The following SORCS3 variants were observed in gnomAD, a reference collection of about 807,000 sequenced individuals.
SORCS3 encodes the protein sortilin related VPS10 domain containing receptor 3, also known as VPS10 domain-containing receptor SorCS3.
SORCS3 carries 57 observed loss-of-function variants against 146.3 expected under a neutral mutation model. The ratio of observed to expected loss-of-function variants is 0.39; its 90% CI spans 0.31 to 0.49. The LOEUF (loss-of-function observed/expected upper bound fraction) is 0.49, where lower values mean the gene tolerates loss of function less well. Ranked by LOEUF, SORCS3 falls within the 20% of genes least tolerant of loss-of-function variation. The pLI is 0.92. For missense variants in SORCS3, 1,341 were observed against 1,575.5 expected (o/e 0.85, Z 2.52); for synonymous variants, 653 against 618.5 (o/e 1.06, Z -0.83).
At chr10:104,742,970 T>C (rs1286385806) in intron 1 of SORCS3, among the ~76,000 whole-genome samples, 2 of 152,184 alleles carry the variant, frequency 1.3e-5, no homozygotes, top group African/African-American at 4.8e-5. Flanking sequence ...AGCTTGGATA[T>C]AAATAAGCAT....
chr10:104,994,420 T>A (rs1168187558), intron 4 of SORCS3, among the ~76,000 whole-genome samples: 2 of 152,198 alleles, frequency 1.3e-5, no homozygotes, highest in African/African-American at 2.4e-5. Context: ...TGAGTTGCCT[T>A]CAGATTTTTT....
chr10:105,201,405 G>T, intron 16 of SORCS3, 152 bp downstream of exon 16: 1 of 938,306 alleles, frequency 1.1e-6, no homozygotes. Flanking sequence ...CCAGTTACTG[G>T]GCCAGATGGG....
chr10:105,263,470 C>T lies in SORCS3; in HGVS notation c.*96C>T, dbSNP rs993589060. 21 of 1,256,602 alleles carry T rather than the reference C, an allele frequency of 1.7e-5. No individual in the cohort carries two copies. In the East Asian group the frequency reaches 4.3e-4, roughly 26 times the overall value. The allele number at this position is 1,256,602 out of a possible 1,614,324, so 77.8% of individuals were successfully genotyped here. On this transcript the variant is annotated 3_prime_UTR_variant, in exon 27 of 27. Transcript: ENST00000369701. Reference sequence around the variant, plus strand: ...GGAAAAATTAAAATGTCTTTTTTACCTTTTGTTTACCAAGGGCCCCTTCAT... The same window carrying T: ...GGAAAAATTAAAATGTCTTTTTTACTTTTTGTTTACCAAGGGCCCCTTCAT...
chr10:104,890,887 C>T (rs7897825), intron 2 of SORCS3, among the ~76,000 whole-genome samples: 1 of 152,198 alleles, frequency 6.6e-6, no homozygotes, highest in South Asian at 2.1e-4. Context: ...AAATCACCCC[C>T]AGTTGAGAAC....
chr10:105,124,253 A>T (rs1259577337), intron 7 of SORCS3, among the ~76,000 whole-genome samples: 2 of 152,232 alleles, frequency 1.3e-5, no homozygotes, highest in Non-Finnish European at 2.9e-5. Flanking sequence ...TGAAAAGAAC[A>T]TTATAAGCTG....
intron 1 of SORCS3, among the ~76,000 whole-genome samples, chr10:104,811,504 G>A (rs1404682412): frequency 6.6e-6 from 1 of 152,236 alleles, no homozygotes. Flanking sequence ...GAGCTTAAGT[G>A]AAGTGTCTTG....
intron 20 of SORCS3, among the ~76,000 whole-genome samples, chr10:105,236,821 G>C (rs977857008): frequency 2.0e-5 from 3 of 151,944 alleles, no homozygotes; most frequent in African/African-American, 7.2e-5. Flanking sequence ...AGTTTGTATC[G>C]ATTTCTCTAA....
chr10:105,153,517 A>G (rs1437174699), intron 9 of SORCS3, among the ~76,000 whole-genome samples: 1 of 152,170 alleles, frequency 6.6e-6, no homozygotes, highest in African/African-American at 2.4e-5. Context: ...CCACCAAATT[A>G]TTCCAAAAGT....
At chr10:105,095,641 C>G (rs2055740383) in intron 6 of SORCS3, among the ~76,000 whole-genome samples, 1 of 152,034 alleles carries the variant, frequency 6.6e-6, no homozygotes, top group Non-Finnish European at 1.5e-5. Flanking sequence ...AGGTACCACT[C>G]TTTCTGCTCA....
At position 104,642,004 on chromosome 10, in the gene SORCS3, G is replaced by A. The variant is rs758703549; in HGVS notation, c.627+50G>A. 1.1e-4 allele frequency: 105 copies of A among 940,464 alleles called. 1 individual carries two copies. The highest frequency in any genetic ancestry group is 3.9e-5 in the South Asian group (2 of 51,718). The allele number at this position is 940,464 out of a possible 1,614,324, so 58.3% of individuals were successfully genotyped here. On this transcript the variant is annotated intron_variant, in intron 1 of 26. Coordinates refer to ENST00000369701, the MANE Select transcript of SORCS3 (RefSeq NM_014978.3). ...CCGCCTGTTTCCTGACACCGAAGGG[G>A]AATGGGGGGGTGGGTGGGAGCGAGG...
chr10:105,214,340 T>A lies in SORCS3; in HGVS notation c.2376-102T>A, dbSNP rs1318513862. The A allele has an allele frequency of 3.8e-6, 5 of 1,324,870 alleles. No homozygotes were observed. The African/African-American group carries it at 7.3e-5, about 19-fold the overall frequency. 82.1% of individuals were successfully genotyped at this position (1,324,870 alleles called of 1,614,324 possible). ...CCGCTGTGTGAAGCACCTGTTTTGC[T>A]CTTGCTCTCTTACATTCCCTTTATA... On this transcript the variant is annotated intron_variant, in intron 17 of 26. Coordinates refer to ENST00000369701, the MANE Select transcript of SORCS3 (RefSeq NM_014978.3).
chr10:105,179,221 T>G (rs187333820), intron 14 of SORCS3, among the ~76,000 whole-genome samples: 4 of 152,324 alleles, frequency 2.6e-5, no homozygotes, highest in Admixed American at 6.5e-5. Flanking sequence ...AACAACATCA[T>G]GTGTATGCCA....
In SORCS3 at chr10:105,054,791, C is replaced by T. The variant is rs534686250; in HGVS notation, c.1028+11663C>T. 5.9e-5 allele frequency among the ~76,000 whole-genome samples: 9 copies of T among 152,190 alleles called. No individual in the cohort carries two copies. The South Asian group carries it at 1.5e-3, about 25-fold the overall frequency. ...GTGGCCAGAACACATTGTGTTTAAT[C>T]GTGGTTTATAACACAATAGAGTGTC... On this transcript the variant is annotated intron_variant, in intron 5 of 26. Coordinates refer to ENST00000369701, the MANE Select transcript of SORCS3 (RefSeq NM_014978.3).
rs1019009709 is a variant in SORCS3, at chr10:105,108,999, A to G, written c.1212+3484A>G. 2.0e-5 allele frequency among the ~76,000 whole-genome samples: 3 copies of G among 152,250 alleles called. No homozygotes were observed. In the East Asian group the frequency reaches 5.8e-4, roughly 29 times the overall value. ...TAATTATGATTACTTTAAAACTCCCATTATATGGTCTGTTTGCTTTCCTGT... is the reference window on the plus strand; with the variant it reads ...TAATTATGATTACTTTAAAACTCCCGTTATATGGTCTGTTTGCTTTCCTGT... On this transcript the variant is annotated intron_variant, in intron 7 of 26. Coordinates refer to ENST00000369701, the MANE Select transcript of SORCS3 (RefSeq NM_014978.3).
intron 2 of SORCS3, among the ~76,000 whole-genome samples, chr10:104,847,155 C>A (rs544099539): frequency 6.6e-6 from 1 of 152,100 alleles, no homozygotes; most frequent in Admixed American, 6.5e-5. Flanking sequence ...CGTGGATGCG[C>A]GTGTGTCTCT....
intron 14 of SORCS3, among the ~76,000 whole-genome samples, chr10:105,188,273 G>A (rs2056491755): frequency 6.6e-6 from 1 of 152,028 alleles, no homozygotes; most frequent in Non-Finnish European, 1.5e-5. Context: ...TTCATGATGA[G>A]AGTGCATTAT....
intron 13 of SORCS3, among the ~76,000 whole-genome samples, chr10:105,173,556 G>T (rs2056377044): frequency 6.6e-6 from 1 of 151,850 alleles, no homozygotes; most frequent in Admixed American, 6.6e-5. Flanking sequence ...CCATCTTGGT[G>T]TGGTCTCTTA....
At chr10:105,252,651 G>T in intron 22 of SORCS3, 124 bp from the exon 23 acceptor site, 14 of 1,169,606 alleles carry the variant, frequency 1.2e-5, no homozygotes, top group Middle Eastern at 2.3e-4. Context: ...ATTGGAGCCT[G>T]TGCCTAAAAA....
In SORCS3 at chr10:104,927,815, T is replaced by G. The variant is rs545888150; in HGVS notation, c.795+11883T>G. ...ATCGCTTGAACCCGGGAGGTGGAGG[T>G]TGTGGTGAGCCGAGATCGTACCATT... On this transcript the variant is annotated intron_variant, in intron 3 of 26. Transcript: ENST00000369701. Among the ~76,000 whole-genome samples the G allele has an allele frequency of 3.0e-3, 444 of 149,968 alleles. 2 individuals carry two copies. The highest frequency in any genetic ancestry group is 0.019 in the South Asian group (89 of 4,686).
Sources: allele counts gnomAD v4.1 joint callset (sites outside exome capture counted in the v4.1 genomes callset), GRCh38; gene constraint gnomAD v4.1.1; transcripts MANE v1.5; gene names NCBI Gene and HGNC (gene_info 2026-07-23, HGNC 2026-07-21).